RTL4: variants seen among roughly 807,000 people sequenced by gnomAD.
RTL4 encodes retrotransposon Gag like 4.
RTL4 carries 4 observed loss-of-function variants against 5.3 expected under a neutral mutation model. That is an observed-to-expected ratio of 0.75 (90% CI 0.37 to 1.72). The LOEUF (loss-of-function observed/expected upper bound fraction) is 1.72, where lower values mean the gene tolerates loss of function less well. Among genes scored for constraint, RTL4 ranks in the 40% most tolerant of loss-of-function variants. The pLI, the probability that RTL4 is intolerant of heterozygous loss-of-function variation, is 0.04. For missense variants in RTL4, 260 were observed against 227.1 expected, an observed-to-expected ratio of 1.14 and a Z score of -0.93; for synonymous variants, 98 against 87.3, an observed-to-expected ratio of 1.12 and a Z score of -0.68.
At chrX:112,243,329 A>G in the RTL4 span, among the ~76,000 whole-genome samples, 2 of 110,619 alleles carry the variant, frequency 1.8e-5, no homozygotes, top group African/African-American at 6.6e-5. Flanking sequence ...CTGGTCCTGG[A>G]CTTTTTTTGG....
chrX:112,098,537 C>T, the RTL4 span, among the ~76,000 whole-genome samples: 53 of 111,389 alleles, frequency 4.8e-4, no homozygotes, highest in Non-Finnish European at 5.7e-4. Flanking sequence ...ATGACCACAC[C>T]GACTTCCACA....
chrX:112,297,579 A>G, the RTL4 span, among the ~76,000 whole-genome samples: 1 of 111,179 alleles, frequency 9.0e-6, no homozygotes, highest in Non-Finnish European at 1.9e-5. Flanking sequence ...ACCTCCCACC[A>G]GGCCCCACCT....
the RTL4 span, among the ~76,000 whole-genome samples, chrX:112,169,084 TTTTCTTTC>T: frequency 4.7e-5 from 2 of 42,747 alleles, no homozygotes; most frequent in African/African-American, 7.0e-5. Context: ...TCTTTCTTTC[TTTTCTTTC>T]TTTCTTTCTT....
chrX:112,127,600 A>T, the RTL4 span, among the ~76,000 whole-genome samples: 121 of 111,793 alleles, frequency 1.1e-3, no homozygotes, highest in East Asian at 0.013. Context: ...TGAAGAAATA[A>T]AAGGCATCCA....
At chrX:112,325,050 T>C in the RTL4 span, among the ~76,000 whole-genome samples, 3,728 of 111,411 alleles carry the variant, frequency 0.033, 148 homozygotes, top group African/African-American at 0.11. Context: ...CCATTCACAA[T>C]TGCTTCAAAG....
the RTL4 span, among the ~76,000 whole-genome samples, chrX:112,245,073 C>T: frequency 8.9e-6 from 1 of 112,308 alleles, no homozygotes; most frequent in East Asian, 2.8e-4. Flanking sequence ...CACTGTTAGT[C>T]TGATGGGCTT....
chrX:112,308,740 T>A, the RTL4 span, among the ~76,000 whole-genome samples: 1 of 111,684 alleles, frequency 9.0e-6, no homozygotes, highest in African/African-American at 3.3e-5. Flanking sequence ...TGATTGCTTG[T>A]TCTTGGTTTT....
chrX:112,219,141 A>G, the RTL4 span, among the ~76,000 whole-genome samples: 2 of 111,818 alleles, frequency 1.8e-5, no homozygotes, highest in African/African-American at 6.5e-5. Flanking sequence ...GTGATATCTT[A>G]ACATCATTAT....
the RTL4 span, among the ~76,000 whole-genome samples, chrX:112,263,827 T>C: frequency 4.5e-5 from 5 of 111,955 alleles, no homozygotes; most frequent in East Asian, 1.1e-3. Flanking sequence ...ATTACTTTGA[T>C]TGTAGGAATC....
At chrX:112,226,945 T>C in the RTL4 span, among the ~76,000 whole-genome samples, 2 of 66,311 alleles carry the variant, frequency 3.0e-5, no homozygotes, top group East Asian at 7.9e-4. Context: ...TAAAATAAAA[T>C]AAAAATAAAA....
the RTL4 span, among the ~76,000 whole-genome samples, chrX:112,305,331 A>T: frequency 2.0e-5 from 2 of 101,932 alleles, no homozygotes; most frequent in African/African-American, 3.7e-5. Context: ...TAATTTTTGT[A>T]TTTTATTTTA....
the RTL4 span, among the ~76,000 whole-genome samples, chrX:112,278,183 A>T: frequency 8.9e-6 from 1 of 112,611 alleles, no homozygotes; most frequent in Non-Finnish European, 1.9e-5. Context: ...CACCAGTTGC[A>T]TATGTAACCT....
chrX:112,095,667 A>G, the RTL4 span, among the ~76,000 whole-genome samples: 1 of 111,500 alleles, frequency 9.0e-6, no homozygotes. Flanking sequence ...AGTGCATGCA[A>G]TGGAAGTGTA....
At chrX:112,219,756 A>G in the RTL4 span, among the ~76,000 whole-genome samples, 1 of 112,480 alleles carries the variant, frequency 8.9e-6, no homozygotes, top group Non-Finnish European at 1.9e-5. Flanking sequence ...AAGTAATTTT[A>G]CATACATTTG....
chrX:112,282,739 C>G, the RTL4 span, among the ~76,000 whole-genome samples: 1 of 111,277 alleles, frequency 9.0e-6, no homozygotes, highest in African/African-American at 3.3e-5. Flanking sequence ...TAAGTTTTTT[C>G]ATAGCTATGG....
chrX:112,176,596 A>G, the RTL4 span, among the ~76,000 whole-genome samples: 2 of 111,546 alleles, frequency 1.8e-5, no homozygotes, highest in African/African-American at 6.5e-5. Flanking sequence ...TATATGTGAT[A>G]TTTTGATACA....
At chrX:112,234,706 G>A in the RTL4 span, among the ~76,000 whole-genome samples, 4 of 111,725 alleles carry the variant, frequency 3.6e-5, no homozygotes, top group Admixed American at 3.8e-4. Flanking sequence ...CAGGTTGATG[G>A]GCTTCTTTTT....
At chrX:112,260,610 C>T in the RTL4 span, among the ~76,000 whole-genome samples, 1 of 111,505 alleles carries the variant, frequency 9.0e-6, no homozygotes, top group Non-Finnish European at 1.9e-5. Context: ...ACAAAATCAC[C>T]ATCTTTATTA....
At chrX:112,182,788 A>G in the RTL4 span, among the ~76,000 whole-genome samples, 1 of 112,125 alleles carries the variant, frequency 8.9e-6, no homozygotes, top group East Asian at 2.8e-4. Context: ...AGACAGACCA[A>G]TATTCAAATT....
Sources: allele counts gnomAD v4.1 joint callset (sites outside exome capture counted in the v4.1 genomes callset), GRCh38; gene constraint gnomAD v4.1.1; transcripts MANE v1.5; gene names NCBI Gene and HGNC (gene_info 2026-07-23, HGNC 2026-07-21).